Variants in DMAC1 observed in about 807,000 individuals in gnomAD.
DMAC1 encodes distal membrane arm assembly component 1.
A neutral mutation model predicts 7.0 loss-of-function variants in DMAC1; 10 were observed. The observed-to-expected ratio is 1.43, with a 90% CI of 0.88 to 2.43. DMAC1 has a LOEUF of 2.43. Among genes scored for constraint, DMAC1 ranks in the 30% most tolerant of loss-of-function variants. The pLI is 0.00. For synonymous variants in DMAC1, 92 were observed against 66.2 expected (o/e 1.39, Z -1.90); for missense variants, 219 against 158.7 (o/e 1.38, Z -2.04).
In DMAC1 at chr9:7,799,581, C is replaced by A. The variant is rs761827796; in HGVS notation, c.154G>T (p.Val52Leu). Reference protein sequence around the residue: ...RLLKTCWSCRVLSGLGLMGAG... With the variant: ...RLLKTCWSCRLLSGLGLMGAG... ...CCCATCAGCCCCAACCCAGAAAGCA[C>A]GCGACAGCTCCAGCAGGTCTTCAAC... The change falls in exon 1 of 2, where the codon GTG becomes TTG. Residue 52 changes from valine (V) to leucine (L), a missense_variant. Physicochemically the swap from Val to Leu is conservative, Grantham distance 32. Coordinates refer to ENST00000358227, the MANE Select transcript of DMAC1 (RefSeq NM_033428.3). 35 of 1,613,732 alleles carry A rather than the reference C, an allele frequency of 2.2e-5. No homozygotes were observed. The highest frequency in any genetic ancestry group is 3.0e-5 in the Non-Finnish European group (35 of 1,180,028).
intron 1 of DMAC1, 21 bp from the exon 2 acceptor site, chr9:7,798,658 C>A (rs1328963507): frequency 6.5e-7 from 1 of 1,532,876 alleles, no homozygotes; most frequent in Admixed American, 1.9e-5. Flanking sequence ...AACAACAATA[C>A]CTTACCTTTA....
rs1409887163 is a variant in DMAC1, at chr9:7,797,094, G to A, written c.*1479C>T. The A allele has an allele frequency of 6.6e-6, 1 of 152,126 alleles. No homozygotes were observed. Among genetic ancestry groups the A allele is most frequent in the African/African-American group, 2.4e-5 (1 of 41,424 alleles). The allele number at this position is 152,126 out of a possible 1,614,324, so 9.4% of individuals were successfully genotyped here. On this transcript the variant is annotated 3_prime_UTR_variant, in exon 2 of 2. Coordinates refer to ENST00000358227, the MANE Select transcript of DMAC1 (RefSeq NM_033428.3). ...GGTTTAACCAAAGAAAATGTTCAGG[G>A]ACTAAAGCAGTCCATCAATAGAACA...
Position 7,799,702 on chromosome 9 carries a change from G to C in DMAC1, c.33C>G (p.Ser11=). The change falls in exon 1 of 2, where the codon TCC becomes TCG. Residue 11 remains serine (S), a synonymous_variant. Coordinates refer to ENST00000358227, the MANE Select transcript of DMAC1 (RefSeq NM_033428.3). ...CGGTACCGGGAGGCGCAGTGATATA[G>C]GACTCAAAAGGCTGGGACAACCGAG... MGSRLSQPFE[S]YITAPPGTAA... 6.4e-7 allele frequency: 1 copy of C among 1,573,796 alleles called. No individual in the cohort carries two copies. Among genetic ancestry groups the C allele is most frequent in the Admixed American group, 1.7e-5 (1 of 57,438 alleles).
chr9:7,799,650 G>GGGGCGCAGGTTTGGC lies in DMAC1; in HGVS notation c.70_84dup (p.Ala24_Pro28dup), dbSNP rs1818703060. 6.2e-7 allele frequency: 1 copy of GGGGCGCAGGTTTGGC among 1,611,656 alleles called. No homozygotes were observed. Among genetic ancestry groups the GGGGCGCAGGTTTGGC allele is most frequent in the African/African-American group, 1.3e-5 (1 of 74,864 alleles). The stretch of plus-strand genomic sequence containing the variant: ...GAGGTCGGCGCTCCGGGTGTAGCTG[G>GGGGCGCAGGTTTGGC]GGGCGCAGGTTTGGCGGGCGCGGCG... On this transcript the variant is annotated inframe_insertion, in exon 1 of 2. Transcript: ENST00000358227.
At chr9:7,799,440 G>A (rs1355694090) in intron 1 of DMAC1, 21 bp downstream of exon 1, 23 of 1,611,502 alleles carry the variant, frequency 1.4e-5, no homozygotes, top group Non-Finnish European at 1.9e-5. Flanking sequence ...ACCCGCCCAA[G>A]TGCTGTGCCT....
intron 1 of DMAC1, 101 bp downstream of exon 1, chr9:7,799,360 A>G: frequency 1.5e-6 from 2 of 1,334,706 alleles, no homozygotes; most frequent in Non-Finnish European, 2.0e-6. Context: ...GACCAGCGGC[A>G]GCACCCCGCC....
In DMAC1 at chr9:7,798,529, G is replaced by A. The variant is rs374671596; in HGVS notation, c.*44C>T. ...ATTCCATGCCTGCTGTGTGTGTCACGGGGAAAGGGACAGAGACAGAAGACA... is the reference window on the plus strand; with the variant it reads ...ATTCCATGCCTGCTGTGTGTGTCACAGGGAAAGGGACAGAGACAGAAGACA... On this transcript the variant is annotated 3_prime_UTR_variant, in exon 2 of 2. Coordinates refer to ENST00000358227, the MANE Select transcript of DMAC1 (RefSeq NM_033428.3). 35 of 1,603,280 alleles carry A rather than the reference G, an allele frequency of 2.2e-5. No homozygotes were observed. Among genetic ancestry groups the A allele is most frequent in the East Asian group, 4.5e-5 (2 of 44,828 alleles).
rs750381243 is a variant in DMAC1, at chr9:7,798,641, G to GA, written c.275-5dup. 3.6e-5 allele frequency: 56 copies of GA among 1,549,218 alleles called. No homozygotes were observed. Among genetic ancestry groups the GA allele is most frequent in the Middle Eastern group, 1.7e-4 (1 of 5,734 alleles). On this transcript the variant is annotated splice_polypyrimidine_tract_variant and splice_region_variant and intron_variant, in intron 1 of 1. Transcript: ENST00000358227. ...ACGATACCCCAGGTGGCAATGCCTA[G>GA]AAAAAAAACAACAATACCTTACCTT... is the stretch of plus-strand genomic sequence containing the variant.
In DMAC1 at chr9:7,799,772, T is replaced by G. The variant is rs1234916147; in HGVS notation, c.-38A>C. 2 of 1,495,512 alleles carry G rather than the reference T, an allele frequency of 1.3e-6. No homozygotes were observed. The highest frequency in any genetic ancestry group is 2.3e-5 in the East Asian group (1 of 43,472). The allele number at this position is 1,495,512 out of a possible 1,614,324, so 92.6% of individuals were successfully genotyped here. On this transcript the variant is annotated 5_prime_UTR_variant, in exon 1 of 2. Transcript: ENST00000358227. ...GGCCTCAACCTTGGGCGTCTTTGGT[T>G]CAAACTGGCGTAAACGACGCACCGG...
intron 1 of DMAC1, among the ~76,000 whole-genome samples, chr9:7,798,854 T>G (rs761573213): frequency 1.3e-5 from 2 of 152,028 alleles, no homozygotes; most frequent in Non-Finnish European, 2.9e-5. Context: ...ATCAAGAAGG[T>G]AAGACAGTTA....
chr9:7,796,596 C>A lies in DMAC1; in HGVS notation c.*1977G>T, dbSNP rs970396933. The A allele has an allele frequency of 1.3e-5, 2 of 152,116 alleles. No individual in the cohort carries two copies. Among genetic ancestry groups the A allele is most frequent in the African/African-American group, 4.8e-5 (2 of 41,410 alleles). 9.4% of individuals were successfully genotyped at this position (152,116 alleles called of 1,614,324 possible). ...AAAATGCTATTACAATACAGTTGAC[C>A]CAAACAACACAGGTTTGAACTGCGC... On this transcript the variant is annotated 3_prime_UTR_variant, in exon 2 of 2. Transcript: ENST00000358227.
Position 7,799,596 on chromosome 9 carries a change from A to C in DMAC1, c.139T>G (p.Cys47Gly). The change falls in exon 1 of 2, where the codon TGC (cysteine) becomes GGC (glycine). Residue 47 changes from cysteine (C) to glycine (G), a missense_variant. Coordinates refer to ENST00000358227, the MANE Select transcript of DMAC1 (RefSeq NM_033428.3). ...CCAGAAAGCACGCGACAGCTCCAGCAGGTCTTCAACAGGCGGTGTTCTGCT... is the reference window on the plus strand; with the variant it reads ...CCAGAAAGCACGCGACAGCTCCAGCCGGTCTTCAACAGGCGGTGTTCTGCT... The part of the protein sequence containing the change: ...SPAEHRLLKT[C>G]WSCRVLSGLG... 6.2e-7 allele frequency: 1 copy of C among 1,613,720 alleles called. No homozygotes were observed. The highest frequency in any genetic ancestry group is 1.1e-5 in the South Asian group (1 of 91,048).
rs10976582 is a variant in DMAC1 at position 7,796,755 on chromosome 9, T to G, written c.*1818A>C. The stretch of plus-strand genomic sequence containing the variant: ...GGATGATTCACTTCTACCTAACGAA[T>G]AGTGAATATATTACTTCCTTAATAA... On this transcript the variant is annotated 3_prime_UTR_variant, in exon 2 of 2. Coordinates refer to ENST00000358227, the MANE Select transcript of DMAC1 (RefSeq NM_033428.3). The G allele has an allele frequency of 6.7e-6, 1 of 148,634 alleles. No individual in the cohort carries two copies. Among genetic ancestry groups the G allele is most frequent in the Non-Finnish European group, 1.5e-5 (1 of 67,266 alleles). The allele number at this position is 148,634 out of a possible 1,614,324, so 9.2% of individuals were successfully genotyped here. A position where few individuals can be genotyped will look rare whatever the true frequency, so the allele number is the denominator to read the frequency against.
rs544229608 is a variant in DMAC1 at position 7,797,490 on chromosome 9, C to T, written c.*1083G>A. ...CAACATGTCATTCCAAACAAATACA[C>T]TATGATTAGCAGCTGAATTTAACAG... On this transcript the variant is annotated 3_prime_UTR_variant, in exon 2 of 2. Transcript: ENST00000358227. 2.0e-5 allele frequency: 3 copies of T among 152,314 alleles called. No individual in the cohort carries two copies. Among genetic ancestry groups the T allele is most frequent in the South Asian group, 4.1e-4 (2 of 4,828 alleles). The allele number at this position is 152,314 out of a possible 1,614,324, so 9.4% of individuals were successfully genotyped here. A position where few individuals can be genotyped will look rare whatever the true frequency, so the allele number is the denominator to read the frequency against.
In DMAC1 at chr9:7,798,650, C is replaced by A; in HGVS notation, c.275-13G>T. 6.5e-7 allele frequency: 1 copy of A among 1,547,332 alleles called. No homozygotes were observed. On this transcript the variant is annotated splice_polypyrimidine_tract_variant and intron_variant, in intron 1 of 1. Coordinates refer to ENST00000358227, the MANE Select transcript of DMAC1 (RefSeq NM_033428.3). Reference sequence around the variant, plus strand: ...CAGGTGGCAATGCCTAGAAAAAAAACAACAATACCTTACCTTTATGCTGCA... The same window carrying A: ...CAGGTGGCAATGCCTAGAAAAAAAAAAACAATACCTTACCTTTATGCTGCA...
chr9:7,798,013 A>G lies in DMAC1; in HGVS notation c.*560T>C, dbSNP rs1211615164. On this transcript the variant is annotated 3_prime_UTR_variant, in exon 2 of 2. Transcript: ENST00000358227. ...ATGCCTTGCAAAGTATCAGCAATTC[A>G]TACACAGAAAATTTCACGTACTTCT... 2 of 152,306 alleles carry G rather than the reference A, an allele frequency of 1.3e-5. No individual in the cohort carries two copies. The highest frequency in any genetic ancestry group is 6.5e-5 in the Admixed American group (1 of 15,284). The allele number at this position is 152,306 out of a possible 1,614,324, so 9.4% of individuals were successfully genotyped here.
Position 7,797,360 on chromosome 9 carries a change from T to C in DMAC1, c.*1213A>G, listed in dbSNP as rs1818628902. On this transcript the variant is annotated 3_prime_UTR_variant, in exon 2 of 2. Coordinates refer to ENST00000358227, the MANE Select transcript of DMAC1 (RefSeq NM_033428.3). ...GTAGCACCATCCCCGCTATGAACTC[T>C]GATGTAGAAAATACAAGATTCTAAA... 1 of 152,232 alleles carries C rather than the reference T, an allele frequency of 6.6e-6. No individual in the cohort carries two copies. The highest frequency in any genetic ancestry group is 1.5e-5 in the Non-Finnish European group (1 of 68,044). 9.4% of individuals were successfully genotyped at this position (152,232 alleles called of 1,614,324 possible). A position where few individuals can be genotyped will look rare whatever the true frequency, so the allele number is the denominator to read the frequency against.
rs1818657809 is a variant in DMAC1 at position 7,798,355 on chromosome 9, G to A, written c.*218C>T. ...AGACAAAGAACCTGTTTACTTCTCT[G>A]AGGGATTTATTGGTTCCTGTGAAAT... On this transcript the variant is annotated 3_prime_UTR_variant, in exon 2 of 2. Coordinates refer to ENST00000358227, the MANE Select transcript of DMAC1 (RefSeq NM_033428.3). 3.8e-6 allele frequency: 2 copies of A among 523,158 alleles called. No individual in the cohort carries two copies. The highest frequency in any genetic ancestry group is 7.0e-6 in the Non-Finnish European group (2 of 287,390). The allele number at this position is 523,158 out of a possible 1,614,324, so 32.4% of individuals were successfully genotyped here.
rs73640530 is a variant in DMAC1 at position 7,798,278 on chromosome 9, C to T, written c.*295G>A. On this transcript the variant is annotated 3_prime_UTR_variant, in exon 2 of 2. Coordinates refer to ENST00000358227, the MANE Select transcript of DMAC1 (RefSeq NM_033428.3). ...CATACTATTATGTTTATATATAATG[C>T]TTAATTAAGCAATTATATTTAAATA... 8.4e-3 allele frequency: 2,517 copies of T among 298,066 alleles called. 71 individuals are homozygous for T. Among genetic ancestry groups the T allele is most frequent in the African/African-American group, 0.05 (2,374 of 47,630 alleles). 18.5% of individuals were successfully genotyped at this position (298,066 alleles called of 1,614,324 possible). A position where few individuals can be genotyped will look rare whatever the true frequency, so the allele number is the denominator to read the frequency against.
Sources: allele counts gnomAD v4.1 joint callset (sites outside exome capture counted in the v4.1 genomes callset), GRCh38; gene constraint gnomAD v4.1.1; transcripts MANE v1.5; gene names NCBI Gene and HGNC (gene_info 2026-07-23, HGNC 2026-07-21).